The following DCC variants were observed in gnomAD, a reference collection of about 807,000 sequenced individuals.
DCC encodes the protein netrin receptor DCC.
In DCC, 58 loss-of-function variants were observed where a neutral mutation model predicts 172.5. The observed-to-expected ratio is 0.34, with a 90% CI of 0.27 to 0.42. The LOEUF is 0.42. Among genes scored for constraint, DCC ranks in the 10% least tolerant of loss-of-function variants. The pLI is 1.00. For missense variants in DCC, 1,740 were observed against 1,791.0 expected, an observed-to-expected ratio of 0.97 and a Z score of 0.51; for synonymous variants, 709 against 644.5, an observed-to-expected ratio of 1.10 and a Z score of -1.52.
At chr18:52,974,056 C>T (rs2041072931) in intron 5 of DCC, among the ~76,000 whole-genome samples, 1 of 151,426 alleles carries the variant, frequency 6.6e-6, no homozygotes, top group Admixed American at 6.6e-5. Context: ...CTTTTTATGC[C>T]AATGCTTATT....
intron 1 of DCC, among the ~76,000 whole-genome samples, chr18:52,732,302 TAA>T (rs2036654571): frequency 6.6e-6 from 1 of 152,148 alleles, no homozygotes; most frequent in African/African-American, 2.4e-5. Context: ...AATAGCACTC[TAA>T]AGTCACTGGA....
intron 1 of DCC, among the ~76,000 whole-genome samples, chr18:52,678,632 G>T (rs1482053080): frequency 2.0e-5 from 3 of 152,132 alleles, no homozygotes; most frequent in Admixed American, 2.0e-4. Context: ...TAAAAAGGAC[G>T]TTAGGAGAGA....
At chr18:53,141,782 C>CA (rs1010358239) in intron 7 of DCC, among the ~76,000 whole-genome samples, 2 of 152,076 alleles carry the variant, frequency 1.3e-5, no homozygotes, top group African/African-American at 2.4e-5. Flanking sequence ...TGTGTGTTTA[C>CA]AAAAAAATGA....
At chr18:53,005,261 T>G (rs558533427) in intron 5 of DCC, among the ~76,000 whole-genome samples, 1 of 152,322 alleles carries the variant, frequency 6.6e-6, no homozygotes, top group South Asian at 2.1e-4. Flanking sequence ...TCTATTTAAC[T>G]GAAGAATTCA....
chr18:53,226,934 G>GTGTGTATATATATA (rs34949557), intron 12 of DCC, among the ~76,000 whole-genome samples: 18 of 68,152 alleles, frequency 2.6e-4, no homozygotes, highest in Non-Finnish European at 3.5e-4. Flanking sequence ...GTGTGTGTGT[G>GTGTGTATATATATA]TATATATATA....
At chr18:52,986,073 A>T (rs2145612672) in intron 5 of DCC, among the ~76,000 whole-genome samples, 1 of 152,234 alleles carries the variant, frequency 6.6e-6, no homozygotes, top group South Asian at 2.1e-4. Context: ...ATGAAATAGG[A>T]TGTTAAGTAA....
intron 7 of DCC, among the ~76,000 whole-genome samples, chr18:53,155,005 T>C (rs1190291035): frequency 1.3e-5 from 2 of 152,136 alleles, no homozygotes; most frequent in Admixed American, 1.3e-4. Context: ...TCCATTTATT[T>C]AAAATACTGT....
chr18:52,434,850 CA>C (rs1225009490), intron 1 of DCC, among the ~76,000 whole-genome samples: 2 of 152,160 alleles, frequency 1.3e-5, no homozygotes, highest in Non-Finnish European at 2.9e-5. Flanking sequence ...CCTGATTCTG[CA>C]GTTTCGATAA....
At chr18:53,477,222 T>C (rs535746800) in intron 25 of DCC, among the ~76,000 whole-genome samples, 2 of 152,128 alleles carry the variant, frequency 1.3e-5, no homozygotes, top group East Asian at 3.9e-4. Context: ...TTGCCCAGGC[T>C]GGTCTCAAAC....
At position 53,286,708 on chromosome 18, in the gene DCC, A is replaced by G. The variant is rs144974226; in HGVS notation, c.1912-18870A>G. The stretch of plus-strand genomic sequence containing the variant: ...CAGTGCATCGCCATTGCTGTCTTCA[A>G]ATATTTGTGAGTACCACGCTTACAG... On this transcript the variant is annotated intron_variant, in intron 12 of 28. Transcript: ENST00000442544. Among the ~76,000 whole-genome samples the G allele has an allele frequency of 6.6e-5, 10 of 152,296 alleles. No homozygotes were observed. The East Asian group carries it at 1.4e-3, about 21-fold the overall frequency.
At chr18:53,239,295 G>C (rs542819366) in intron 12 of DCC, among the ~76,000 whole-genome samples, 1 of 150,682 alleles carries the variant, frequency 6.6e-6, no homozygotes, top group African/African-American at 2.4e-5. Flanking sequence ...CTGGAGGGAA[G>C]AAAAACCTAA....
intron 1 of DCC, among the ~76,000 whole-genome samples, chr18:52,651,798 G>A (rs10853620): frequency 0.41 from 62,192 of 151,942 alleles, 12,830 homozygotes; most frequent in Admixed American, 0.5. Context: ...CCTCAGTAAT[G>A]GACTTTAAGG....
At chr18:53,185,530 G>C (rs1418650531) in intron 9 of DCC, among the ~76,000 whole-genome samples, 1 of 152,028 alleles carries the variant, frequency 6.6e-6, no homozygotes, top group Non-Finnish European at 1.5e-5. Flanking sequence ...CTTCTTAGTA[G>C]CACTTAAAAT....
chr18:52,399,921 T>A (rs181449525), intron 1 of DCC, among the ~76,000 whole-genome samples: 31 of 152,048 alleles, frequency 2.0e-4, no homozygotes, highest in Non-Finnish European at 3.7e-4. Flanking sequence ...AATGAATTTA[T>A]CAAATAAATG....
chr18:52,340,683 A>G lies in DCC; in HGVS notation c.-105A>G. 1.2e-6 allele frequency: 1 copy of G among 844,830 alleles called. No individual in the cohort carries two copies. Among genetic ancestry groups the G allele is most frequent in the African/African-American group, 1.7e-5 (1 of 60,314 alleles). 52.3% of individuals were successfully genotyped at this position (844,830 alleles called of 1,614,324 possible). A position where few individuals can be genotyped will look rare whatever the true frequency, so the allele number is the denominator to read the frequency against. ...AGGACGAGGAGGAGGAGGAAGCCGA[A>G]GGGGCTCGGCGCGTGTGTGTGCATG... On this transcript the variant is annotated 5_prime_UTR_variant, in exon 1 of 29. Coordinates refer to ENST00000442544, the MANE Select transcript of DCC (RefSeq NM_005215.4).
intron 1 of DCC, among the ~76,000 whole-genome samples, chr18:52,632,505 A>G (rs1445466170): frequency 1.3e-5 from 2 of 152,188 alleles, no homozygotes; most frequent in Non-Finnish European, 2.9e-5. Context: ...GCCATTTGGG[A>G]AACACCTTGA....
chr18:53,108,616 C>A (rs2043284486), intron 7 of DCC, among the ~76,000 whole-genome samples: 1 of 151,710 alleles, frequency 6.6e-6, no homozygotes, highest in South Asian at 2.1e-4. Flanking sequence ...GAGAGTTGTA[C>A]TTCCCAAGCA....
At chr18:52,784,143 CTTT>C (rs973740092) in intron 2 of DCC, among the ~76,000 whole-genome samples, 20 of 151,996 alleles carry the variant, frequency 1.3e-4, no homozygotes, top group African/African-American at 4.1e-4. Flanking sequence ...ATGAGATCAA[CTTT>C]TTTTGCTCCC....
chr18:53,257,635 TG>T (rs1356918450), intron 12 of DCC, among the ~76,000 whole-genome samples: 5 of 152,074 alleles, frequency 3.3e-5, no homozygotes, highest in Admixed American at 1.3e-4. Flanking sequence ...TGAGGATTTT[TG>T]CAGATGTTCA....
Sources: allele counts gnomAD v4.1 joint callset (sites outside exome capture counted in the v4.1 genomes callset), GRCh38; gene constraint gnomAD v4.1.1; transcripts MANE v1.5; gene names NCBI Gene and HGNC (gene_info 2026-07-23, HGNC 2026-07-21).